The following RYR3 variants were observed in gnomAD, a reference collection of about 807,000 sequenced individuals.
The protein encoded by RYR3 is brain ryanodine receptor-calcium release channel.
RYR3 carries 207 observed loss-of-function variants against 584.3 expected under a neutral mutation model. That is an observed-to-expected ratio of 0.35 (90% confidence interval 0.32 to 0.40). RYR3 has a LOEUF of 0.40. Ranked by LOEUF, RYR3 falls within the 10% of genes least tolerant of loss-of-function variation. RYR3 has a pLI of 1.00. For synonymous variants in RYR3, 2,416 were observed against 2,248.5 expected (o/e 1.07, Z -2.11); for missense variants, 5,616 against 6,089.2 (o/e 0.92, Z 2.59).
chr15:33,578,778 A>AC (rs1567582059), intron 12 of RYR3, among the ~76,000 whole-genome samples: 1 of 46,010 alleles, frequency 2.2e-5, no homozygotes, highest in African/African-American at 8.2e-5. Flanking sequence ...AAAAAAAAAA[A>AC]CAACAACAAA....
At chr15:33,622,007 C>A (rs1244209214) in intron 19 of RYR3, among the ~76,000 whole-genome samples, 1 of 152,122 alleles carries the variant, frequency 6.6e-6, no homozygotes, top group Non-Finnish European at 1.5e-5. Flanking sequence ...ATGAGCAATT[C>A]CGAACAAGCC....
intron 2 of RYR3, among the ~76,000 whole-genome samples, chr15:33,488,677 C>A (rs1361418804): frequency 2.0e-5 from 3 of 151,908 alleles, no homozygotes; most frequent in Non-Finnish European, 4.4e-5. Context: ...ATGGTGAAAC[C>A]CCGTCTCTAC....
chr15:33,681,867 T>C (rs1447105742), intron 38 of RYR3, among the ~76,000 whole-genome samples: 1 of 152,202 alleles, frequency 6.6e-6, no homozygotes, highest in Non-Finnish European at 1.5e-5. Context: ...AACACCAGCG[T>C]AGGTTTGAGA....
chr15:33,425,276 G>C (rs2044523413), intron 1 of RYR3, among the ~76,000 whole-genome samples: 1 of 152,170 alleles, frequency 6.6e-6, no homozygotes, highest in Admixed American at 6.5e-5. Context: ...GTTCTTGCTT[G>C]TCCTGTGGCT....
chr15:33,555,815 G>A (rs1435449447), intron 10 of RYR3, among the ~76,000 whole-genome samples: 1 of 152,114 alleles, frequency 6.6e-6, no homozygotes, highest in African/African-American at 2.4e-5. Context: ...TCCCCAATAA[G>A]GCAGATGAAT....
chr15:33,790,150 C>A (rs1410983821), intron 67 of RYR3, among the ~76,000 whole-genome samples: 1 of 151,426 alleles, frequency 6.6e-6, no homozygotes, highest in South Asian at 2.1e-4. Context: ...ACCACCACGC[C>A]CAGCTAATTT....
chr15:33,771,318 C>G (rs2073553145), intron 62 of RYR3, among the ~76,000 whole-genome samples: 1 of 152,248 alleles, frequency 6.6e-6, no homozygotes, highest in Non-Finnish European at 1.5e-5. Context: ...GGCGGATCAC[C>G]AGGTCAAGAA....
At chr15:33,854,082 G>A (rs1168230813) in intron 96 of RYR3, among the ~76,000 whole-genome samples, 1 of 151,972 alleles carries the variant, frequency 6.6e-6, no homozygotes, top group Non-Finnish European at 1.5e-5. Context: ...TGTAGTCCCA[G>A]CTGCTTGGGA....
intron 86 of RYR3, among the ~76,000 whole-genome samples, chr15:33,834,482 T>C (rs981865538): frequency 7.9e-5 from 12 of 152,096 alleles, no homozygotes; most frequent in African/African-American, 2.9e-4. Flanking sequence ...TTTTCTTTTT[T>C]TTTTTTTTAA....
At position 33,791,090 on chromosome 15, in the gene RYR3, C is replaced by G. The variant is rs916045888; in HGVS notation, c.9830+2632C>G. Among the ~76,000 whole-genome samples, 7 of 152,310 alleles carry G rather than the reference C, an allele frequency of 4.6e-5. No individual in the cohort carries two copies. In the East Asian group the frequency reaches 9.6e-4, roughly 21 times the overall value. ...AAGAATGAGAGAAAAGGACTTGGAT[C>G]TGGCAATACAGGCAACTTGTTCAAG... On this transcript the variant is annotated intron_variant, in intron 67 of 103. Coordinates refer to ENST00000634891, the MANE Select transcript of RYR3 (RefSeq NM_001036.6).
intron 1 of RYR3, among the ~76,000 whole-genome samples, chr15:33,400,265 A>G (rs1262152704): frequency 2.6e-5 from 4 of 152,132 alleles, no homozygotes; most frequent in Non-Finnish European, 5.9e-5. Flanking sequence ...TTTTGGCATA[A>G]TTACTGATAG....
At chr15:33,789,921 C>G (rs1447254823) in intron 67 of RYR3, among the ~76,000 whole-genome samples, 1 of 147,024 alleles carries the variant, frequency 6.8e-6, no homozygotes, top group African/African-American at 2.5e-5. Context: ...AGCAATCCGC[C>G]TGCCTCGGCT....
chr15:33,859,602 G>T lies in RYR3; in HGVS notation c.14170G>T (p.Val4724Leu). The change falls in exon 100 of 104, where the codon GTG becomes TTG. Residue 4724 changes from valine to leucine, a missense_variant. Coordinates refer to ENST00000634891, the MANE Select transcript of RYR3 (RefSeq NM_001036.6). ...TTACCTTTTCCACATGTACGTGGGA[G>T]TGAGAGCAGGAGGTGGCATTGGTGA... is the stretch of plus-strand genomic sequence containing the variant. ...TCYLFHMYVG[V>L]RAGGGIGDEI... 5 of 1,614,048 alleles carry T rather than the reference G, an allele frequency of 3.1e-6. No individual in the cohort carries two copies. Among genetic ancestry groups the T allele is most frequent in the Non-Finnish European group, 3.4e-6 (4 of 1,179,890 alleles).
intron 38 of RYR3, among the ~76,000 whole-genome samples, chr15:33,680,379 A>G (rs2064499463): frequency 6.6e-6 from 1 of 152,338 alleles, no homozygotes; most frequent in East Asian, 1.9e-4. Context: ...GAGTTTAGCG[A>G]TGGAGCCAGC....
intron 38 of RYR3, among the ~76,000 whole-genome samples, chr15:33,684,143 GCA>G (rs1246016617): frequency 1.3e-5 from 2 of 152,260 alleles, no homozygotes; most frequent in East Asian, 3.8e-4. Context: ...GGTTCTCCCA[GCA>G]CAGTGTTTGA....
At chr15:33,728,032 A>G (rs2068613885) in intron 46 of RYR3, among the ~76,000 whole-genome samples, 2 of 152,230 alleles carry the variant, frequency 1.3e-5, no homozygotes, top group Non-Finnish European at 2.9e-5. Context: ...ATATTGCAAC[A>G]GTATGTCCTC....
chr15:33,750,198 A>G lies in RYR3; in HGVS notation c.8311A>G (p.Thr2771Ala). The G allele has an allele frequency of 2.5e-6, 4 of 1,609,254 alleles. No homozygotes were observed. Among genetic ancestry groups the G allele is most frequent in the Non-Finnish European group, 3.4e-6 (4 of 1,177,838 alleles). ...CCACCCTCTTCTGGTACCATATGAC[A>G]CCTTGACTGCCAAGGAAAAGTTCAA... ...GSHPLLVPYDTLTAKEKFKDR... is the reference protein window; with the variant it reads ...GSHPLLVPYDALTAKEKFKDR... Residue 2771 changes from threonine (T) to alanine (A), a missense_variant, in exon 57 of 104, where the codon ACC becomes GCC. This residue lies in a region of RYR3 where 1,280 missense variants were observed against 1,426.2 expected (regional missense o/e 0.90). Transcript: ENST00000634891.
intron 1 of RYR3, among the ~76,000 whole-genome samples, chr15:33,403,409 T>C (rs950343268): frequency 6.6e-6 from 1 of 152,154 alleles, no homozygotes; most frequent in African/African-American, 2.4e-5. Flanking sequence ...TACAGAGAAG[T>C]GCTGACTTTG....
chr15:33,341,653 G>C (rs566906036), intron 1 of RYR3, among the ~76,000 whole-genome samples: 2 of 152,124 alleles, frequency 1.3e-5, no homozygotes, highest in East Asian at 3.9e-4. Flanking sequence ...CATAGAGAGT[G>C]GGTGTTGTAG....
Sources: gnomAD v4.1 joint callset for allele counts (sites outside exome capture counted in the v4.1 genomes callset) on GRCh38, gnomAD v4.1.1 for gene constraint, gnomAD v4.1.1 regional missense constraint, MANE v1.5 for transcripts, NCBI Gene and HGNC (gene_info 2026-07-23, HGNC 2026-07-21) for gene names.